Variants in SH3GL2 observed in about 807,000 individuals in gnomAD.
SH3GL2 encodes endophilin-A1.
In SH3GL2, 24 loss-of-function variants were observed where a neutral mutation model predicts 46.0. The ratio of observed to expected loss-of-function variants is 0.52; its 90% confidence interval spans 0.38 to 0.73. The LOEUF (loss-of-function observed/expected upper bound fraction) is 0.73. Among genes scored for constraint, SH3GL2 ranks in the 30% least tolerant of loss-of-function variants. The probability of loss-of-function intolerance (pLI) is 0.00; values close to 1 mark genes in which losing one functional copy is unlikely to be tolerated. For synonymous variants in SH3GL2, 196 were observed against 147.1 expected (o/e 1.33, Z -2.40); for missense variants, 413 against 424.2 (o/e 0.97, Z 0.23).
chr9:17,723,160 T>G (rs1415067498), intron 1 of SH3GL2, among the ~76,000 whole-genome samples: 2 of 152,160 alleles, frequency 1.3e-5, no homozygotes, highest in Non-Finnish European at 2.9e-5. Context: ...TTGCTTCATA[T>G]TTGTACAAAG....
At chr9:17,688,289 T>C (rs1216606760) in intron 1 of SH3GL2, among the ~76,000 whole-genome samples, 3 of 152,044 alleles carry the variant, frequency 2.0e-5, no homozygotes, top group Non-Finnish European at 4.4e-5. Context: ...TTTGGGGAGT[T>C]ATTTTCTGTT....
intron 1 of SH3GL2, among the ~76,000 whole-genome samples, chr9:17,622,974 TCG>T (rs1563786362): frequency 2.1e-5 from 2 of 95,724 alleles, no homozygotes; most frequent in Admixed American, 1.1e-4. Flanking sequence ...CCTTTTCCTT[TCG>T]TTTCCTTTCG....
chr9:17,693,958 G>C (rs946833311), intron 1 of SH3GL2, among the ~76,000 whole-genome samples: 1 of 152,144 alleles, frequency 6.6e-6, no homozygotes, highest in Non-Finnish European at 1.5e-5. Context: ...TTAATGATCT[G>C]AATTTATGTG....
At chr9:17,741,856 G>C (rs993564667) in intron 1 of SH3GL2, among the ~76,000 whole-genome samples, 1 of 152,080 alleles carries the variant, frequency 6.6e-6, no homozygotes, top group African/African-American at 2.4e-5. Flanking sequence ...CTCATTAAGA[G>C]TACAGAGGAA....
chr9:17,744,711 A>G (rs1305942160), intron 1 of SH3GL2, among the ~76,000 whole-genome samples: 3 of 152,124 alleles, frequency 2.0e-5, no homozygotes, highest in Admixed American at 1.3e-4. Context: ...CCCAATTTCT[A>G]GTTTGCTAAA....
chr9:17,584,397 G>C (rs1757135700), intron 1 of SH3GL2, among the ~76,000 whole-genome samples: 1 of 152,184 alleles, frequency 6.6e-6, no homozygotes, highest in Non-Finnish European at 1.5e-5. Context: ...CACCTACCCA[G>C]GAGGCTGAGG....
intron 1 of SH3GL2, among the ~76,000 whole-genome samples, chr9:17,684,326 G>A (rs1317157871): frequency 2.0e-5 from 3 of 152,076 alleles, no homozygotes. Flanking sequence ...CTCCTTGGTA[G>A]AATTGATGCA....
intron 1 of SH3GL2, among the ~76,000 whole-genome samples, chr9:17,649,399 C>T (rs1819900836): frequency 6.6e-6 from 1 of 152,112 alleles, no homozygotes. Flanking sequence ...ACAATTGAAA[C>T]CAGTGTTCTG....
At chr9:17,643,337 A>G (rs115877905) in intron 1 of SH3GL2, among the ~76,000 whole-genome samples, 2,253 of 152,070 alleles carry the variant, frequency 0.015, 43 homozygotes, top group African/African-American at 0.051. Context: ...TCTGCAGACA[A>G]TAGTTTGAGT....
chr9:17,650,162 A>C (rs1388583829), intron 1 of SH3GL2, among the ~76,000 whole-genome samples: 2 of 152,238 alleles, frequency 1.3e-5, no homozygotes, highest in African/African-American at 4.8e-5. Context: ...CAACTTAGTT[A>C]TGGAATAAAA....
At chr9:17,700,910 G>A (rs1821328986) in intron 1 of SH3GL2, among the ~76,000 whole-genome samples, 1 of 152,178 alleles carries the variant, frequency 6.6e-6, no homozygotes, top group African/African-American at 2.4e-5. Context: ...CCATATCAGA[G>A]TAGCAGAAGA....
intron 3 of SH3GL2, among the ~76,000 whole-genome samples, chr9:17,769,395 A>G (rs1429158113): frequency 6.6e-6 from 1 of 152,016 alleles, no homozygotes; most frequent in Non-Finnish European, 1.5e-5. Flanking sequence ...TTACTCTCCT[A>G]TTTTACATTC....
chr9:17,692,587 G>A (rs1344123719), intron 1 of SH3GL2, among the ~76,000 whole-genome samples: 1 of 150,022 alleles, frequency 6.7e-6, no homozygotes, highest in African/African-American at 2.4e-5. Context: ...GGAGGTTACA[G>A]TGAGCTGAGA....
At chr9:17,740,499 TA>T (rs1368997645) in intron 1 of SH3GL2, among the ~76,000 whole-genome samples, 1 of 152,126 alleles carries the variant, frequency 6.6e-6, no homozygotes, top group African/African-American at 2.4e-5. Context: ...TTGTATTTTT[TA>T]AATGTTTTGG....
At chr9:17,589,774 T>G (rs1818447146) in intron 1 of SH3GL2, 1 of 152,338 alleles carries the variant, frequency 6.6e-6, no homozygotes, top group African/African-American at 2.4e-5. Context: ...TGCAGATTTG[T>G]GTAGCACATT....
At chr9:17,774,658 G>T (rs1053502807) in intron 3 of SH3GL2, among the ~76,000 whole-genome samples, 3 of 151,880 alleles carry the variant, frequency 2.0e-5, no homozygotes, top group Non-Finnish European at 2.9e-5. Context: ...TGGTCATGGG[G>T]TATAATTTTT....
intron 3 of SH3GL2, among the ~76,000 whole-genome samples, chr9:17,785,136 C>T (rs746452020): frequency 2.0e-5 from 3 of 152,156 alleles, no homozygotes; most frequent in East Asian, 3.9e-4. Flanking sequence ...CTAACTGCTA[C>T]ATACTGTTTG....
chr9:17,606,938 T>G (rs1177889808), intron 1 of SH3GL2, among the ~76,000 whole-genome samples: 1 of 152,214 alleles, frequency 6.6e-6, no homozygotes, highest in African/African-American at 2.4e-5. Context: ...CCCAAGTTCT[T>G]TGGAAAGATG....
At chr9:17,794,565 C>G (rs1824227512) in intron 8 of SH3GL2, among the ~76,000 whole-genome samples, 1 of 152,140 alleles carries the variant, frequency 6.6e-6, no homozygotes, top group Non-Finnish European at 1.5e-5. Flanking sequence ...CATCTGGAGA[C>G]TCAGTAATTT....
Sources: allele counts gnomAD v4.1 joint callset (sites outside exome capture counted in the v4.1 genomes callset), GRCh38; gene constraint gnomAD v4.1.1; transcripts MANE v1.5; gene names NCBI Gene and HGNC (gene_info 2026-07-23, HGNC 2026-07-21).